PCDH15: variants seen among roughly 807,000 people sequenced by gnomAD.
PCDH15 encodes the protein protocadherin related 15, also known as protocadherin-15.
In PCDH15, 129 loss-of-function variants were observed where a neutral mutation model predicts 178.5. The observed-to-expected ratio is 0.72, with a 90% confidence interval of 0.63 to 0.84. The LOEUF is 0.84. Among genes scored for constraint, PCDH15 ranks in the 40% least tolerant of loss-of-function variants. The pLI is 0.00. For synonymous variants in PCDH15, 800 were observed against 732.0 expected (o/e 1.09, Z -1.50); for missense variants, 2,230 against 2,099.9 (o/e 1.06, Z -1.21).
chr10:54,117,438 T>C (rs1590581913), intron 15 of PCDH15, among the ~76,000 whole-genome samples: 1 of 152,082 alleles, frequency 6.6e-6, no homozygotes, highest in East Asian at 1.9e-4. Context: ...CTGGGTTCCA[T>C]AAAGGGCCAC....
chr10:53,928,824 T>G (rs2084796802), intron 25 of PCDH15, among the ~76,000 whole-genome samples: 1 of 152,002 alleles, frequency 6.6e-6, no homozygotes, highest in Admixed American at 6.6e-5. Flanking sequence ...GAATGGCATT[T>G]TGAATCCCAA....
intron 2 of PCDH15, among the ~76,000 whole-genome samples, chr10:55,602,075 G>C (rs556383312): frequency 5.9e-5 from 9 of 152,266 alleles, no homozygotes; most frequent in African/African-American, 2.2e-4. Context: ...CCTCACTCGG[G>C]AGGCGCAAGG....
rs193131632 is a variant in PCDH15 at position 55,173,726 on chromosome 10, C to A, written c.-155-7075G>T. Among the ~76,000 whole-genome samples the A allele has an allele frequency of 4.4e-3, 668 of 152,146 alleles. 4 individuals are homozygous for A. Among genetic ancestry groups the A allele is most frequent in the Non-Finnish European group, 7.4e-3 (505 of 67,964 alleles). On this transcript the variant is annotated intron_variant, in intron 1 of 5. Transcript: ENST00000458638. Reference sequence around the variant, plus strand: ...TCTTAGTTTGTAGTATGATTTCATTCTGCAGCATTTGACATAAATGTGAAA... The same window carrying A: ...TCTTAGTTTGTAGTATGATTTCATTATGCAGCATTTGACATAAATGTGAAA...
intron 2 of PCDH15, among the ~76,000 whole-genome samples, chr10:55,066,742 C>T (rs993478090): frequency 4.7e-5 from 7 of 150,492 alleles, no homozygotes; most frequent in Admixed American, 2.7e-4. Flanking sequence ...TCTCTCAAAA[C>T]TATTTTTTTA....
At chr10:55,602,363 G>A (rs1166754696) in intron 2 of PCDH15, among the ~76,000 whole-genome samples, 2 of 152,136 alleles carry the variant, frequency 1.3e-5, no homozygotes, top group Non-Finnish European at 2.9e-5. Context: ...CGGCTGGGAA[G>A]CTCGAACTGG....
At chr10:54,186,316 G>A (rs1264022160) in intron 11 of PCDH15, among the ~76,000 whole-genome samples, 1 of 151,874 alleles carries the variant, frequency 6.6e-6, no homozygotes, top group Non-Finnish European at 1.5e-5. Flanking sequence ...TGAGGCAAGA[G>A]CAAAGAATAG....
intron 1 of PCDH15, among the ~76,000 whole-genome samples, chr10:54,800,556 C>A (rs1212764661): frequency 2.0e-5 from 3 of 152,122 alleles, no homozygotes; most frequent in African/African-American, 7.2e-5. Flanking sequence ...AAAGTCAATT[C>A]TGATGCCATT....
At chr10:54,861,967 G>A (rs1387476373) in intron 3 of PCDH15, among the ~76,000 whole-genome samples, 1 of 152,100 alleles carries the variant, frequency 6.6e-6, no homozygotes, top group Admixed American at 6.6e-5. Context: ...GAGTATCCTT[G>A]ACAAGACTGG....
intron 2 of PCDH15, among the ~76,000 whole-genome samples, chr10:55,511,016 T>G (rs180677640): frequency 6.6e-6 from 1 of 150,890 alleles, no homozygotes; most frequent in Non-Finnish European, 1.5e-5. Context: ...TGCACCAACA[T>G]GAGTGGCTAA....
chr10:55,023,886 TACACATAC>T (rs71461268), intron 2 of PCDH15, among the ~76,000 whole-genome samples: 84,561 of 148,886 alleles, frequency 0.57, 24,339 homozygotes, highest in East Asian at 0.75. Context: ...TACATGTATA[TACACATAC>T]ATGTATGTGA....
chr10:53,842,327 G>T (rs896972482), intron 28 of PCDH15, among the ~76,000 whole-genome samples: 4 of 152,042 alleles, frequency 2.6e-5, no homozygotes, highest in Non-Finnish European at 5.9e-5. Flanking sequence ...GGCAATCTCG[G>T]CTCACTGCAA....
chr10:54,979,702 T>C (rs563829704), intron 2 of PCDH15, among the ~76,000 whole-genome samples: 118 of 151,768 alleles, frequency 7.8e-4, no homozygotes, highest in African/African-American at 2.6e-3. Context: ...ATTTTATTTT[T>C]ATCAACAGAA....
rs540515800 is a variant in PCDH15, at chr10:54,426,543, T to A, written c.158-47601A>T. 2.1e-3 allele frequency among the ~76,000 whole-genome samples: 319 copies of A among 152,292 alleles called. 2 individuals are homozygous for A. Among genetic ancestry groups the A allele is most frequent in the Middle Eastern group, 6.8e-3 (2 of 294 alleles). ...CTAACAGGCCACGGAACGGTACCAGTTTGTGGCCTGGGGGTTGGGACCCCT... is the reference window on the plus strand; with the variant it reads ...CTAACAGGCCACGGAACGGTACCAGATTGTGGCCTGGGGGTTGGGACCCCT... On this transcript the variant is annotated intron_variant, in intron 3 of 37. Coordinates refer to ENST00000644397, the MANE Select transcript of PCDH15 (RefSeq NM_001384140.1).
At chr10:55,521,631 G>T (rs984873042) in intron 2 of PCDH15, among the ~76,000 whole-genome samples, 1 of 151,784 alleles carries the variant, frequency 6.6e-6, no homozygotes, top group African/African-American at 2.4e-5. Flanking sequence ...TCATATCTTG[G>T]CTACAGTGAA....
intron 1 of PCDH15, among the ~76,000 whole-genome samples, chr10:55,255,216 C>T (rs958356437): frequency 2.3e-4 from 27 of 115,196 alleles, no homozygotes; most frequent in Admixed American, 4.0e-4. Flanking sequence ...GGTTTTTTGT[C>T]CTTGTGATAG....
intron 6 of PCDH15, among the ~76,000 whole-genome samples, chr10:54,333,866 G>A: frequency 6.6e-6 from 1 of 152,128 alleles, no homozygotes; most frequent in Non-Finnish European, 1.5e-5. Flanking sequence ...TGCACTCTCT[G>A]TCCTTGCTAT....
chr10:54,939,783 C>G (rs1838013749), intron 2 of PCDH15, among the ~76,000 whole-genome samples: 1 of 152,094 alleles, frequency 6.6e-6, no homozygotes, highest in Non-Finnish European at 1.5e-5. Context: ...GATTCAGAAA[C>G]AATGCCTTTT....
At chr10:54,831,914 GA>G (rs1186801037) in intron 3 of PCDH15, among the ~76,000 whole-genome samples, 11 of 151,826 alleles carry the variant, frequency 7.2e-5, no homozygotes, top group African/African-American at 2.2e-4. Flanking sequence ...ATAGCTCAGG[GA>G]AAAAATAAAA....
chr10:54,520,956 G>A (rs752115772), intron 3 of PCDH15, among the ~76,000 whole-genome samples: 9 of 150,702 alleles, frequency 6.0e-5, no homozygotes, highest in East Asian at 2.0e-4. Flanking sequence ...GCAAACTATC[G>A]CAAGGACAAA....
Sources: gnomAD v4.1 joint callset for allele counts (sites outside exome capture counted in the v4.1 genomes callset) on GRCh38, gnomAD v4.1.1 for gene constraint, MANE v1.5 for transcripts, NCBI Gene and HGNC (gene_info 2026-07-23, HGNC 2026-07-21) for gene names.